The following NSMCE2 variants were observed in gnomAD, a reference collection of about 807,000 sequenced individuals.
The protein encoded by NSMCE2 is E3 SUMO-protein ligase NSE2.
NSMCE2 carries 24 observed loss-of-function variants against 23.8 expected under a neutral mutation model. The ratio of observed to expected loss-of-function variants is 1.01; its 90% CI spans 0.73 to 1.42. The LOEUF (loss-of-function observed/expected upper bound fraction) is 1.42, where lower values mean the gene tolerates loss of function less well. NSMCE2 is among the 40% of genes most tolerant of loss of function. The pLI, the probability that NSMCE2 is intolerant of heterozygous loss-of-function variation, is 0.00. For synonymous variants in NSMCE2, 92 were observed against 94.1 expected (o/e 0.98, Z 0.13); for missense variants, 284 against 296.5 (o/e 0.96, Z 0.31).
chr8:125,155,658 A>T (rs2130701549), intron 4 of NSMCE2, among the ~76,000 whole-genome samples: 1 of 152,278 alleles, frequency 6.6e-6, no homozygotes, highest in Non-Finnish European at 1.5e-5. Flanking sequence ...CTATTAAATA[A>T]ACCCAGTGGT....
At chr8:125,136,190 T>C (rs1820059471) in intron 3 of NSMCE2, among the ~76,000 whole-genome samples, 1 of 152,158 alleles carries the variant, frequency 6.6e-6, no homozygotes, top group Non-Finnish European at 1.5e-5. Flanking sequence ...TATGGCAGGT[T>C]TTTGATAAAC....
intron 5 of NSMCE2, among the ~76,000 whole-genome samples, chr8:125,185,244 A>G (rs536792373): frequency 2.4e-4 from 36 of 152,220 alleles, no homozygotes; most frequent in East Asian, 1.7e-3. Flanking sequence ...AAGTTAATCT[A>G]TCTGTGGCTC....
intron 5 of NSMCE2, among the ~76,000 whole-genome samples, chr8:125,284,978 A>G (rs2131141072): frequency 6.6e-6 from 1 of 152,300 alleles, no homozygotes; most frequent in Non-Finnish European, 1.5e-5. Flanking sequence ...AGATTCTAGG[A>G]AAGAATAGCA....
At chr8:125,355,911 C>T (rs1318623749) in intron 5 of NSMCE2, among the ~76,000 whole-genome samples, 1 of 152,104 alleles carries the variant, frequency 6.6e-6, no homozygotes, top group Non-Finnish European at 1.5e-5. Context: ...GCAGCTCATG[C>T]TCTGTTCAAA....
At position 125,340,237 on chromosome 8, in the gene NSMCE2, C is replaced by A. The variant is rs1830201867; in HGVS notation, c.419-16982C>A. ...GTTTCACCGTGTTAGCCTAATACAG[C>A]ATGACGTTTAACCATATTTAGGGCT... On this transcript the variant is annotated intron_variant, in intron 5 of 7. Coordinates refer to ENST00000287437, the MANE Select transcript of NSMCE2 (RefSeq NM_173685.4). Among the ~76,000 whole-genome samples, 3 of 152,044 alleles carry A rather than the reference C, an allele frequency of 2.0e-5. No homozygotes were observed. The South Asian group carries it at 6.2e-4, about 31-fold the overall frequency.
intron 5 of NSMCE2, among the ~76,000 whole-genome samples, chr8:125,330,173 T>C (rs926909524): frequency 1.1e-5 from 1 of 89,748 alleles, no homozygotes; most frequent in Non-Finnish European, 2.3e-5. Context: ...ACTTTTTCTT[T>C]TTTCTTTCTT....
intron 5 of NSMCE2, among the ~76,000 whole-genome samples, chr8:125,186,261 T>A (rs1376505482): frequency 6.6e-6 from 1 of 152,226 alleles, no homozygotes; most frequent in Non-Finnish European, 1.5e-5. Context: ...TGTCACACTG[T>A]CATGGCAGGG....
chr8:125,131,854 C>T (rs574303163), intron 3 of NSMCE2, among the ~76,000 whole-genome samples: 2 of 152,160 alleles, frequency 1.3e-5, no homozygotes, highest in Non-Finnish European at 2.9e-5. Context: ...AGGTGCCTTG[C>T]ACAAGTAGGT....
chr8:125,354,870 A>C (rs774998341), intron 5 of NSMCE2, among the ~76,000 whole-genome samples: 10 of 152,098 alleles, frequency 6.6e-5, no homozygotes, highest in Non-Finnish European at 1.2e-4. Flanking sequence ...CAAAACCCAC[A>C]ATGCTCCAAA....
intron 3 of NSMCE2, among the ~76,000 whole-genome samples, chr8:125,143,456 GA>G (rs1438598825): frequency 1.3e-5 from 2 of 152,050 alleles, no homozygotes; most frequent in Non-Finnish European, 2.9e-5. Flanking sequence ...TGCCAAAATG[GA>G]CATATGTACT....
intron 5 of NSMCE2, among the ~76,000 whole-genome samples, chr8:125,190,903 T>A (rs1206465149): frequency 6.6e-6 from 1 of 152,156 alleles, no homozygotes. Flanking sequence ...GGAGTTTCGC[T>A]CTTATTGCCC....
chr8:125,249,944 G>A (rs1259940812), intron 5 of NSMCE2, among the ~76,000 whole-genome samples: 3 of 152,114 alleles, frequency 2.0e-5, no homozygotes, highest in Admixed American at 2.0e-4. Flanking sequence ...AATAAAAAAG[G>A]AAAAAACATT....
At chr8:125,265,616 A>G (rs1826879173) in intron 5 of NSMCE2, among the ~76,000 whole-genome samples, 1 of 152,202 alleles carries the variant, frequency 6.6e-6, no homozygotes, top group African/African-American at 2.4e-5. Context: ...TTTGCCTCTC[A>G]GGCAGGTGGC....
chr8:125,148,903 C>T (rs1158057609), intron 3 of NSMCE2, among the ~76,000 whole-genome samples: 2 of 152,210 alleles, frequency 1.3e-5, no homozygotes, highest in East Asian at 3.9e-4. Flanking sequence ...ACATCCATTA[C>T]ATTAGGATGT....
intron 5 of NSMCE2, among the ~76,000 whole-genome samples, chr8:125,243,053 C>T (rs749315078): frequency 3.3e-5 from 5 of 152,056 alleles, no homozygotes; most frequent in Non-Finnish European, 5.9e-5. Context: ...GAAAAAAAAT[C>T]ACCAGACATG....
chr8:125,304,944 G>A (rs1563773731), intron 5 of NSMCE2, among the ~76,000 whole-genome samples: 1 of 24,932 alleles, frequency 4.0e-5, no homozygotes, highest in Non-Finnish European at 6.8e-5. Flanking sequence ...AGAAAGGAAG[G>A]AAGGAAGGAA....
At chr8:125,213,536 TCTCCC>T (rs1187769853) in intron 5 of NSMCE2, among the ~76,000 whole-genome samples, 2 of 33,792 alleles carry the variant, frequency 5.9e-5, no homozygotes, top group Admixed American at 3.1e-4. Context: ...TCTCCTCTCC[TCTCCC>T]CTCCACTCCC....
intron 5 of NSMCE2, among the ~76,000 whole-genome samples, chr8:125,199,665 G>A (rs1228622288): frequency 6.6e-6 from 1 of 152,158 alleles, no homozygotes; most frequent in East Asian, 1.9e-4. Context: ...GATTTGGGGT[G>A]GAGAGTTTTG....
intron 5 of NSMCE2, among the ~76,000 whole-genome samples, chr8:125,296,474 G>A (rs573379554): frequency 6.9e-6 from 1 of 145,964 alleles, no homozygotes; most frequent in South Asian, 2.2e-4. Flanking sequence ...AGCTCACTGC[G>A]ACCTCCAACT....
Sources: gnomAD v4.1 joint callset for allele counts (sites outside exome capture counted in the v4.1 genomes callset) on GRCh38, gnomAD v4.1.1 for gene constraint, MANE v1.5 for transcripts, NCBI Gene and HGNC (gene_info 2026-07-23, HGNC 2026-07-21) for gene names.